The following KIF3C variants were observed in gnomAD, a reference collection of about 807,000 sequenced individuals.
The protein encoded by KIF3C is kinesin family member 3C, also known as kinesin-like protein KIF3C.
A neutral mutation model predicts 67.7 loss-of-function variants in KIF3C; 12 were observed. That is an observed-to-expected ratio of 0.18 (90% confidence interval 0.11 to 0.29). The LOEUF is 0.29. Among genes scored for constraint, KIF3C ranks in the 10% least tolerant of loss-of-function variants. The probability of loss-of-function intolerance (pLI) is 1.00; values close to 1 mark genes in which losing one functional copy is unlikely to be tolerated. For missense variants in KIF3C, 789 were observed against 1,059.6 expected (o/e 0.74, Z 3.55); for synonymous variants, 393 against 426.2 (o/e 0.92, Z 0.96).
chr2:25,938,404 C>A (rs1663196990), intron 5 of KIF3C: 1 of 378,260 alleles, frequency 2.6e-6, no homozygotes, highest in East Asian at 7.5e-5. Context: ...TCGGGCAACA[C>A]CTCATTCTAT....
intron 1 of KIF3C, among the ~76,000 whole-genome samples, chr2:25,961,727 G>A (rs1432890150): frequency 6.6e-6 from 1 of 152,158 alleles, no homozygotes; most frequent in Non-Finnish European, 1.5e-5. Flanking sequence ...GGCTGAATTG[G>A]GAGTACTGTG....
chr2:25,943,861 A>G (rs1375065954), intron 5 of KIF3C, among the ~76,000 whole-genome samples: 2 of 151,706 alleles, frequency 1.3e-5, no homozygotes, highest in Non-Finnish European at 2.9e-5. Flanking sequence ...GCAAAATTCT[A>G]TCTAAAAAAA....
intron 1 of KIF3C, among the ~76,000 whole-genome samples, chr2:25,962,796 TTATATAATATATAATA>T (rs1420533168): frequency 1.3e-5 from 1 of 78,750 alleles, no homozygotes; most frequent in Non-Finnish European, 2.3e-5. Flanking sequence ...ATAATATATA[TTATATAATATATAATA>T]TATATAATAT....
At chr2:25,979,709 G>A (rs1053304872) in intron 1 of KIF3C, among the ~76,000 whole-genome samples, 4 of 152,182 alleles carry the variant, frequency 2.6e-5, no homozygotes, top group Non-Finnish European at 4.4e-5. Flanking sequence ...CCAGGGAGCA[G>A]AATCTGTTCA....
intron 1 of KIF3C, among the ~76,000 whole-genome samples, chr2:25,962,829 TATATAAAATATATAATATATA>T (rs1292796714): frequency 0.092 from 7,300 of 79,090 alleles, 1,023 homozygotes; most frequent in African/African-American, 0.16. Flanking sequence ...ATATATAAAA[TATATAAAATATATAATATATA>T]ATATAATATA....
intron 1 of KIF3C, among the ~76,000 whole-genome samples, chr2:25,966,450 C>T (rs545702564): frequency 6.6e-6 from 1 of 152,314 alleles, no homozygotes; most frequent in African/African-American, 2.4e-5. Context: ...CAAATAACTT[C>T]CCAATTTGAC....
intron 1 of KIF3C, among the ~76,000 whole-genome samples, chr2:25,967,654 T>C (rs1190732497): frequency 6.6e-6 from 1 of 152,122 alleles, no homozygotes; most frequent in Non-Finnish European, 1.5e-5. Context: ...AAAACATTTA[T>C]TTTAAAAATT....
chr2:25,981,431 T>C lies in KIF3C; in HGVS notation c.487A>G (p.Lys163Glu). Reference protein sequence around the residue: ...IRDLLSKEPGKRLELKENPET... With the variant: ...IRDLLSKEPGERLELKENPET... ...GGGTTCTCTTTCAGCTCTAGCCTCT[T>C]GCCCGGCTCCTTGGAGAGCAGGTCT... The change falls in exon 1 of 8, where the codon AAG (lysine) becomes GAG (glutamate). Residue 163 changes from lysine to glutamate, a missense_variant. Physicochemically the swap from Lys to Glu is moderately conservative, Grantham distance 56. This residue lies in a region of KIF3C where 141 missense variants were observed against 251.8 expected (regional missense o/e 0.56). Transcript: ENST00000264712. The surrounding 1 kb of genome is among the most constrained non-coding windows in gnomAD (Gnocchi z 8.2). 3.7e-6 allele frequency: 6 copies of C among 1,614,184 alleles called. No homozygotes were observed. The highest frequency in any genetic ancestry group is 5.1e-6 in the Non-Finnish European group (6 of 1,180,026).
chr2:25,933,567 C>T (rs918035608), intron 5 of KIF3C, among the ~76,000 whole-genome samples: 1 of 151,194 alleles, frequency 6.6e-6, no homozygotes, highest in Non-Finnish European at 1.5e-5. Flanking sequence ...CCCAGCTACT[C>T]GAGAGGCTGA....
chr2:25,941,492 T>C (rs1663281195), intron 5 of KIF3C, among the ~76,000 whole-genome samples: 1 of 149,782 alleles, frequency 6.7e-6, no homozygotes, highest in Admixed American at 6.7e-5. Flanking sequence ...CTGAGGTGGG[T>C]GAACTGCTTG....
rs1432966703 is a variant in KIF3C at position 25,958,370 on chromosome 2, CAGG to C, written c.1546-1929_1546-1927del. ...TTGAGGTGGGCGGATCATCTGAGGT[CAGG>C]AGTTCGATACCAGCCTGGCCAAAAT... On this transcript the variant is annotated intron_variant, in intron 1 of 7. Transcript: ENST00000264712. The surrounding 1 kb of genome is among the most constrained non-coding windows in gnomAD (Gnocchi z 4.5). Among the ~76,000 whole-genome samples the C allele has an allele frequency of 1.3e-5, 2 of 152,204 alleles. No individual in the cohort carries two copies. Among genetic ancestry groups the C allele is most frequent in the East Asian group, 3.9e-4 (2 of 5,166 alleles).
chr2:25,980,337 G>A lies in KIF3C; in HGVS notation c.1545+36C>T. 5 of 1,538,092 alleles carry A rather than the reference G, an allele frequency of 3.3e-6. No homozygotes were observed. Among genetic ancestry groups the A allele is most frequent in the South Asian group, 1.2e-5 (1 of 84,470 alleles). On this transcript the variant is annotated intron_variant, in intron 1 of 7. Transcript: ENST00000264712. The surrounding 1 kb of genome is among the most constrained non-coding windows in gnomAD (Gnocchi z 7.6). ...CCTCCTTGCCGGGATCCCCTGCGGGGACATCTCGAGTGCCCAGCTCCTCTG... is the reference window on the plus strand; with the variant it reads ...CCTCCTTGCCGGGATCCCCTGCGGGAACATCTCGAGTGCCCAGCTCCTCTG...
intron 5 of KIF3C, among the ~76,000 whole-genome samples, chr2:25,942,147 C>A (rs1055769152): frequency 6.6e-6 from 1 of 152,022 alleles, no homozygotes; most frequent in Non-Finnish European, 1.5e-5. Flanking sequence ...CACCTGAGGT[C>A]AGGAGTTCGA....
intron 1 of KIF3C, among the ~76,000 whole-genome samples, chr2:25,965,066 G>A (rs546158495): frequency 2.6e-5 from 4 of 152,152 alleles, no homozygotes; most frequent in Admixed American, 1.3e-4. Flanking sequence ...CACTCCACCC[G>A]TCTGTCCAAT....
At chr2:25,944,764 A>T (rs1460937542) in intron 5 of KIF3C, among the ~76,000 whole-genome samples, 4 of 152,220 alleles carry the variant, frequency 2.6e-5, no homozygotes, top group Non-Finnish European at 5.9e-5. Flanking sequence ...AGCATGGTTA[A>T]GTTATGAATA....
In KIF3C at chr2:25,980,516, GCCGCTC is replaced by G; in HGVS notation, c.1396_1401del (p.Glu466_Arg467del). The G allele has an allele frequency of 6.2e-7, 1 of 1,614,114 alleles. No homozygotes were observed. On this transcript the variant is annotated inframe_deletion, in exon 1 of 8. Coordinates refer to ENST00000264712, the MANE Select transcript of KIF3C (RefSeq NM_002254.8). This position sits in a 1 kb window ranked among gnomAD's most constrained non-coding sequence, Gnocchi z 7.6. ...TGGATGGCTGCCTTCTCCTCCTCCA[GCCGCTC>G]CTTCTGTTCCTGCAGGTAATTCTCC...
chr2:25,938,356 T>G, intron 5 of KIF3C: 1 of 293,862 alleles, frequency 3.4e-6, no homozygotes, highest in Non-Finnish European at 7.2e-6. Flanking sequence ...AGTCTGAGTC[T>G]CAAAAAAAAA....
At chr2:25,975,057 T>C (rs748096162) in intron 1 of KIF3C, among the ~76,000 whole-genome samples, 1 of 148,048 alleles carries the variant, frequency 6.8e-6, no homozygotes, top group Non-Finnish European at 1.5e-5. Flanking sequence ...CCAATCTCCA[T>C]TTCCAGTCTC....
chr2:25,937,954 C>T (rs1663176229), intron 5 of KIF3C, among the ~76,000 whole-genome samples: 1 of 151,784 alleles, frequency 6.6e-6, no homozygotes, highest in South Asian at 2.1e-4. Flanking sequence ...ATTCAGGATG[C>T]TGAGGTGAGA....
Sources: allele counts gnomAD v4.1 joint callset (sites outside exome capture counted in the v4.1 genomes callset), GRCh38; gene constraint gnomAD v4.1.1; regional missense constraint gnomAD v4.1.1; non-coding constraint Gnocchi (gnomAD v3.1); transcripts MANE v1.5; gene names NCBI Gene and HGNC (gene_info 2026-07-23, HGNC 2026-07-21).